The following CTNND2 variants were observed in gnomAD, a reference collection of about 807,000 sequenced individuals.
CTNND2 encodes the protein catenin delta-2.
A neutral mutation model predicts 144.4 loss-of-function variants in CTNND2; 22 were observed. The ratio of observed to expected loss-of-function variants is 0.15; its 90% confidence interval spans 0.11 to 0.22. The LOEUF is 0.22. Ranked by LOEUF, CTNND2 falls within the 10% of genes least tolerant of loss-of-function variation. CTNND2 has a pLI of 1.00. For missense variants in CTNND2, 1,353 were observed against 1,618.8 expected (o/e 0.84, Z 2.82); for synonymous variants, 751 against 695.6 (o/e 1.08, Z -1.25).
Position 11,862,693 on chromosome 5 carries a change from T to G in CTNND2, c.37+41124A>C, listed in dbSNP as rs1448150402. 2.0e-5 allele frequency among the ~76,000 whole-genome samples: 3 copies of G among 152,068 alleles called. No homozygotes were observed. In the East Asian group the frequency reaches 5.8e-4, roughly 29 times the overall value. On this transcript the variant is annotated intron_variant, in intron 1 of 21. Transcript: ENST00000304623. The stretch of plus-strand genomic sequence containing the variant: ...CCCTAGCCCTTATTTCAAAAAGGAG[T>G]CTTCATTTTGCCATAATTATTAGAA...
intron 18 of CTNND2, among the ~76,000 whole-genome samples, chr5:11,006,942 C>A (rs1740551703): frequency 6.6e-6 from 1 of 152,054 alleles, no homozygotes; most frequent in South Asian, 2.1e-4. Flanking sequence ...TAACAAGAGG[C>A]CTGGACCATA....
intron 10 of CTNND2, among the ~76,000 whole-genome samples, chr5:11,223,841 A>G (rs1319944867): frequency 6.6e-6 from 1 of 152,222 alleles, no homozygotes; most frequent in Non-Finnish European, 1.5e-5. Context: ...GCTTAGGTTT[A>G]GGAGGAAAAG....
In CTNND2 at chr5:11,411,554, C is replaced by T. The variant is rs1342838572; in HGVS notation, c.421G>A (p.Asp141Asn). Residue 141 changes from aspartate (D) to asparagine (N), a missense_variant, in exon 5 of 22, where the codon GAT becomes AAT. By Grantham distance (23) the Asp-to-Asn change is conservative (BLOSUM62 1). Around this residue, in one of 4 missense-constraint regions of CTNND2, gnomAD observed 708 missense variants for 706.4 expected, o/e 1.00. Coordinates refer to ENST00000304623, the MANE Select transcript of CTNND2 (RefSeq NM_001332.4). ...GACTTACTTTCACCTGTAGAATAAT[C>T]CTGTGGGTCAAGTATTCCTGATTCC... is the stretch of plus-strand genomic sequence containing the variant. Reference protein sequence around the residue: ...LQESGILDPQDYSTGERPSLL... With the variant: ...LQESGILDPQNYSTGERPSLL... 1 of 1,601,630 alleles carries T rather than the reference C, an allele frequency of 6.2e-7. No homozygotes were observed. Among genetic ancestry groups the T allele is most frequent in the Non-Finnish European group, 8.6e-7 (1 of 1,169,360 alleles).
intron 1 of CTNND2, among the ~76,000 whole-genome samples, chr5:11,834,890 T>C (rs1304229206): frequency 6.6e-6 from 1 of 152,210 alleles, no homozygotes; most frequent in Non-Finnish European, 1.5e-5. Context: ...CCTGTAATCA[T>C]AGCCCTTTGG....
intron 11 of CTNND2, among the ~76,000 whole-genome samples, chr5:11,174,431 T>C (rs995553786): frequency 2.6e-5 from 4 of 152,158 alleles, no homozygotes; most frequent in Admixed American, 2.6e-4. Context: ...TGTAAAAAAA[T>C]GTAGTTGCAC....
intron 9 of CTNND2, among the ~76,000 whole-genome samples, chr5:11,292,645 ATTGTAAGT>A (rs1468166143): frequency 4.6e-5 from 7 of 152,114 alleles, no homozygotes; most frequent in Non-Finnish European, 7.4e-5. Flanking sequence ...TTCTGCCATG[ATTGTAAGT>A]TTCCTGAAGC....
chr5:11,728,364 G>A (rs781725537), intron 2 of CTNND2, among the ~76,000 whole-genome samples: 7 of 152,016 alleles, frequency 4.6e-5, no homozygotes, highest in Non-Finnish European at 1.0e-4. Flanking sequence ...AGCTATTCAG[G>A]AGGCTGGGGC....
chr5:11,833,505 G>T (rs1204385437), intron 1 of CTNND2, among the ~76,000 whole-genome samples: 6 of 152,034 alleles, frequency 3.9e-5, no homozygotes, highest in Non-Finnish European at 7.4e-5. Context: ...GAGGGAGCTT[G>T]CAGGGATGAT....
rs545129517 is a variant in CTNND2 at position 11,636,251 on chromosome 5, T to C, written c.175-71195A>G. ...GGCTATAGGATATAGCTATAACTATTGCCAATCTCAAACCTCTGCCCGCTC... is the reference window on the plus strand; with the variant it reads ...GGCTATAGGATATAGCTATAACTATCGCCAATCTCAAACCTCTGCCCGCTC... On this transcript the variant is annotated intron_variant, in intron 2 of 21. Coordinates refer to ENST00000304623, the MANE Select transcript of CTNND2 (RefSeq NM_001332.4). Among the ~76,000 whole-genome samples the C allele has an allele frequency of 7.2e-5, 11 of 152,300 alleles. No homozygotes were observed. In the South Asian group the frequency reaches 8.3e-4, roughly 11 times the overall value.
In CTNND2 at chr5:11,092,869, A is replaced by G. The variant is rs75847321; in HGVS notation, c.2637+5706T>C. ...AACTTGCGTTTGATAGACTCCACTAATCTGCCCTGGTTCACTTTTACATGA... is the reference window on the plus strand; with the variant it reads ...AACTTGCGTTTGATAGACTCCACTAGTCTGCCCTGGTTCACTTTTACATGA... On this transcript the variant is annotated intron_variant, in intron 15 of 21. Coordinates refer to ENST00000304623, the MANE Select transcript of CTNND2 (RefSeq NM_001332.4). 7.9e-3 allele frequency among the ~76,000 whole-genome samples: 1,201 copies of G among 152,290 alleles called. 8 individuals carry two copies. Among genetic ancestry groups the G allele is most frequent in the Non-Finnish European group, 0.011 (780 of 68,034 alleles).
At chr5:11,008,052 G>A (rs184021910) in intron 18 of CTNND2, among the ~76,000 whole-genome samples, 2 of 152,316 alleles carry the variant, frequency 1.3e-5, no homozygotes, top group East Asian at 3.9e-4. Context: ...TAATACAGAT[G>A]AGGGCAACAC....
intron 3 of CTNND2, among the ~76,000 whole-genome samples, chr5:11,476,548 T>C (rs1291993038): frequency 6.6e-6 from 1 of 152,124 alleles, no homozygotes; most frequent in African/African-American, 2.4e-5. Context: ...AAAAACTCCA[T>C]ACACTCACAC....
intron 7 of CTNND2, among the ~76,000 whole-genome samples, chr5:11,367,254 G>A (rs1757071410): frequency 6.6e-6 from 1 of 152,118 alleles, no homozygotes; most frequent in Non-Finnish European, 1.5e-5. Flanking sequence ...TCAAGGGTGG[G>A]CACAGTTATT....
At chr5:11,836,941 G>A (rs904984781) in intron 1 of CTNND2, among the ~76,000 whole-genome samples, 7 of 152,174 alleles carry the variant, frequency 4.6e-5, no homozygotes, top group East Asian at 3.9e-4. Flanking sequence ...AAGCGGGGCC[G>A]CTCTGGGAAA....
At chr5:11,719,671 G>A (rs1786548217) in intron 2 of CTNND2, among the ~76,000 whole-genome samples, 1 of 152,154 alleles carries the variant, frequency 6.6e-6, no homozygotes, top group Non-Finnish European at 1.5e-5. Flanking sequence ...ATATGTCAGA[G>A]TTTAACAACA....
chr5:11,689,032 T>C (rs1338508470), intron 2 of CTNND2, among the ~76,000 whole-genome samples: 1 of 152,204 alleles, frequency 6.6e-6, no homozygotes, highest in African/African-American at 2.4e-5. Context: ...AAGTTACTAC[T>C]GGTAGTGCCT....
intron 14 of CTNND2, among the ~76,000 whole-genome samples, chr5:11,101,799 G>A (rs1046845244): frequency 3.9e-5 from 6 of 151,990 alleles, no homozygotes; most frequent in Admixed American, 2.6e-4. Flanking sequence ...ATAATAAAGA[G>A]CACATGAAGA....
chr5:11,505,866 C>G (rs1770979248), intron 3 of CTNND2, among the ~76,000 whole-genome samples: 1 of 152,130 alleles, frequency 6.6e-6, no homozygotes, highest in Non-Finnish European at 1.5e-5. Flanking sequence ...ATGACGCAGG[C>G]CCCCGTCATT....
At chr5:11,317,635 T>C (rs562706748) in intron 9 of CTNND2, among the ~76,000 whole-genome samples, 36 of 152,320 alleles carry the variant, frequency 2.4e-4, no homozygotes, top group East Asian at 7.7e-4. Context: ...AGAGTATCTT[T>C]CAGGGAAAGT....
Sources: allele counts gnomAD v4.1 joint callset (sites outside exome capture counted in the v4.1 genomes callset), GRCh38; gene constraint gnomAD v4.1.1; regional missense constraint gnomAD v4.1.1; transcripts MANE v1.5; gene names NCBI Gene and HGNC (gene_info 2026-07-23, HGNC 2026-07-21).